Variants in SAR1B observed in about 807,000 individuals in gnomAD.
The protein encoded by SAR1B is small COPII coat GTPase SAR1B.
Under a neutral mutation model 26.8 loss-of-function variants are expected in SAR1B, and 23 were observed. The ratio of observed to expected loss-of-function variants is 0.86; its 90% confidence interval spans 0.62 to 1.22. The LOEUF is 1.22. SAR1B is among the 50% of genes most tolerant of loss of function. The pLI, the probability that SAR1B is intolerant of heterozygous loss-of-function variation, is 0.00. For synonymous variants in SAR1B, 65 were observed against 80.8 expected, an observed-to-expected ratio of 0.80 and a Z score of 1.05; for missense variants, 196 against 232.8, an observed-to-expected ratio of 0.84 and a Z score of 1.03.
At chr5:134,620,298 T>C (rs1255176203) in intron 3 of SAR1B, among the ~76,000 whole-genome samples, 1 of 149,512 alleles carries the variant, frequency 6.7e-6, no homozygotes, top group Admixed American at 6.7e-5. Context: ...AGAGTGAGAC[T>C]CCACCTCAAA....
chr5:134,612,884 T>G, intron 3 of SAR1B, 128 bp from the exon 4 acceptor site: 2 of 818,860 alleles, frequency 2.4e-6, no homozygotes, highest in Non-Finnish European at 1.9e-6. Flanking sequence ...TAACTTCTCT[T>G]AGAAGCAAAA....
intron 3 of SAR1B, among the ~76,000 whole-genome samples, chr5:134,617,671 G>GT (rs1010299750): frequency 1.2e-4 from 18 of 151,662 alleles, no homozygotes; most frequent in Admixed American, 3.3e-4. Flanking sequence ...TTTTTGTTGG[G>GT]TTTTTTTTCT....
intron 3 of SAR1B, chr5:134,618,394 T>G (rs1765349168): frequency 6.6e-6 from 1 of 152,236 alleles, no homozygotes; most frequent in Admixed American, 6.5e-5. Context: ...TAAAATACTT[T>G]GTTTTGTTCT....
chr5:134,606,711 G>C lies in SAR1B; in HGVS notation c.*239C>G, dbSNP rs1372502994. On this transcript the variant is annotated 3_prime_UTR_variant, in exon 7 of 7. Transcript: ENST00000402673. ...TACAAATGGCGCTGGGGTGATGTCA[G>C]ATTATAAACTGTAAAAACCAAGTAC... The C allele has an allele frequency of 2.2e-6, 1 of 464,750 alleles. No homozygotes were observed. Among genetic ancestry groups the C allele is most frequent in the Non-Finnish European group, 4.0e-6 (1 of 252,570 alleles). The allele number at this position is 464,750 out of a possible 1,614,324, so 28.8% of individuals were successfully genotyped here. A position where few individuals can be genotyped will look rare whatever the true frequency, so the allele number is the denominator to read the frequency against.
chr5:134,625,884 G>A lies in SAR1B; in HGVS notation c.-18-1847C>T, dbSNP rs539981187. ...TAAAGAATGGTGAAAAGCCTTGACA[G>A]AAAAAGGATTTTTTGCATAAGGATG... On this transcript the variant is annotated intron_variant, in intron 1 of 6. Coordinates refer to ENST00000402673, the MANE Select transcript of SAR1B (RefSeq NM_016103.4). The A allele has an allele frequency of 2.0e-5, 3 of 152,228 alleles. No homozygotes were observed. The East Asian group carries it at 5.8e-4, about 29-fold the overall frequency. 9.4% of individuals were successfully genotyped at this position (152,228 alleles called of 1,614,324 possible).
intron 3 of SAR1B, among the ~76,000 whole-genome samples, chr5:134,615,623 G>A (rs1036214633): frequency 1.4e-5 from 2 of 147,982 alleles, no homozygotes; most frequent in Admixed American, 1.4e-4. Flanking sequence ...AGACCATCCT[G>A]GCTAACACGG....
At chr5:134,615,647 C>T (rs1282247965) in intron 3 of SAR1B, among the ~76,000 whole-genome samples, 1 of 149,516 alleles carries the variant, frequency 6.7e-6, no homozygotes, top group Non-Finnish European at 1.5e-5. Context: ...AACCCCGTCT[C>T]TACTAAAAAA....
intron 3 of SAR1B, among the ~76,000 whole-genome samples, chr5:134,615,895 G>A (rs920467123): frequency 2.6e-5 from 4 of 152,044 alleles, no homozygotes; most frequent in African/African-American, 9.7e-5. Flanking sequence ...CCAGCACTTC[G>A]GGAGGCCGAG....
rs1026047463 is a variant in SAR1B at position 134,605,659 on chromosome 5, C to CAAAAAAAAAAAAAAAAAAAAAACAAAAA, written c.*1290_*1291insTTTTTGTTTTTTTTTTTTTTTTTTTTTT. 2.9e-5 allele frequency: 1 copy of CAAAAAAAAAAAAAAAAAAAAAACAAAAA among 35,024 alleles called. No homozygotes were observed. The highest frequency in any genetic ancestry group is 5.9e-5 in the Non-Finnish European group (1 of 16,908). 2.2% of individuals were successfully genotyped at this position (35,024 alleles called of 1,614,324 possible). ...GTCTCTAAAACAAAATGAAACAGAGCAAAAAAAAAAAAAAAAAAAAAGCCC... is the reference window on the plus strand; with the variant it reads ...GTCTCTAAAACAAAATGAAACAGAGCAAAAAAAAAAAAAAAAAAAAAACAAAAAAAAAAAAAAAAAAAAAAAAAAGCCC... On this transcript the variant is annotated 3_prime_UTR_variant, in exon 7 of 7. Transcript: ENST00000402673.
In SAR1B at chr5:134,608,506, G is replaced by GA. The variant is rs1561783785; in HGVS notation, c.349-4dup. The GA allele has an allele frequency of 3.1e-6, 5 of 1,609,704 alleles. No homozygotes were observed. Among genetic ancestry groups the GA allele is most frequent in the Middle Eastern group, 1.6e-4 (1 of 6,080 alleles). On this transcript the variant is annotated splice_polypyrimidine_tract_variant and splice_region_variant and intron_variant, in intron 5 of 6. Transcript: ENST00000402673. ...ATGGTTTCATCTGTCATTAGTGACT[G>GA]AAAAAAACAAAACAATACAAAACAA... is the stretch of plus-strand genomic sequence containing the variant.
chr5:134,623,054 G>A (rs1391345569), intron 2 of SAR1B, among the ~76,000 whole-genome samples: 4 of 147,328 alleles, frequency 2.7e-5, no homozygotes, highest in Admixed American at 7.0e-5. Context: ...ACCAGGAGGC[G>A]AAGGTTGCAG....
chr5:134,623,860 C>T, intron 2 of SAR1B, 102 bp downstream of exon 2: 1 of 802,910 alleles, frequency 1.2e-6, no homozygotes, highest in African/African-American at 1.7e-5. Flanking sequence ...CTTAACTATT[C>T]TTTACTACTG....
intron 1 of SAR1B, among the ~76,000 whole-genome samples, chr5:134,628,074 G>A (rs1480922225): frequency 2.0e-5 from 3 of 151,884 alleles, no homozygotes; most frequent in Admixed American, 6.6e-5. Context: ...GGGAGGCAGA[G>A]GTTGCAGTGA....
chr5:134,607,728 C>T (rs1478142742), intron 6 of SAR1B, among the ~76,000 whole-genome samples: 1 of 149,730 alleles, frequency 6.7e-6, no homozygotes, highest in African/African-American at 2.5e-5. Flanking sequence ...GCCGAGATTG[C>T]ACCATTGTAC....
Position 134,612,684 on chromosome 5 carries a change from A to AATAAAAT in SAR1B, c.244+6_244+7insATTTTAT. On this transcript the variant is annotated splice_region_variant and intron_variant, in intron 4 of 6. Coordinates refer to ENST00000402673, the MANE Select transcript of SAR1B (RefSeq NM_016103.4). Reference sequence around the variant, plus strand: ...AAAAAAAAAAAAAAAAAAAAAAAGAATCTTACCTTGAACATGTCCACCCAG... The same window carrying AATAAAAT: ...AAAAAAAAAAAAAAAAAAAAAAAGAAATAAAATTCTTACCTTGAACATGTCCACCCAG... 9.8e-7 allele frequency: 1 copy of AATAAAAT among 1,017,738 alleles called. No homozygotes were observed. Among genetic ancestry groups the AATAAAAT allele is most frequent in the Non-Finnish European group, 1.4e-6 (1 of 711,296 alleles). 63.0% of individuals were successfully genotyped at this position (1,017,738 alleles called of 1,614,324 possible).
chr5:134,616,132 A>G (rs997428530), intron 3 of SAR1B, among the ~76,000 whole-genome samples: 6 of 123,970 alleles, frequency 4.8e-5, no homozygotes, highest in East Asian at 2.2e-4. Context: ...TCCATCTCGG[A>G]AAAAAAAAAA....
intron 3 of SAR1B, chr5:134,618,362 A>T (rs1001639033): frequency 6.6e-6 from 1 of 152,148 alleles, no homozygotes; most frequent in Non-Finnish European, 1.5e-5. Flanking sequence ...TCCTTTTCCA[A>T]CCTCACTAAT....
chr5:134,631,139 T>A (rs1028860484), intron 1 of SAR1B, among the ~76,000 whole-genome samples: 7 of 151,874 alleles, frequency 4.6e-5, no homozygotes, highest in Admixed American at 3.9e-4. Context: ...TCTGTTAGAC[T>A]CATCTTTTTT....
intron 2 of SAR1B, among the ~76,000 whole-genome samples, chr5:134,623,506 A>AAT (rs1445867063): frequency 6.6e-6 from 1 of 151,064 alleles, no homozygotes; most frequent in African/African-American, 2.4e-5. Context: ...TATAAAATTA[A>AAT]AAAAAAAAAA....
Sources: gnomAD v4.1 joint callset for allele counts (sites outside exome capture counted in the v4.1 genomes callset) on GRCh38, gnomAD v4.1.1 for gene constraint, MANE v1.5 for transcripts, NCBI Gene and HGNC (gene_info 2026-07-23, HGNC 2026-07-21) for gene names.